Variants in SORBS2 observed in about 807,000 individuals in gnomAD.
The protein encoded by SORBS2 is sorbin and SH3 domain-containing protein 2.
In SORBS2, 46 loss-of-function variants were observed where a neutral mutation model predicts 97.7. That is an observed-to-expected ratio of 0.47 (90% confidence interval 0.37 to 0.60). The LOEUF is 0.60. Among genes scored for constraint, SORBS2 ranks in the 20% least tolerant of loss-of-function variants. SORBS2 has a pLI of 0.00. For missense variants in SORBS2, 1,316 were observed against 1,282.3 expected, an observed-to-expected ratio of 1.03 and a Z score of -0.40; for synonymous variants, 476 against 473.4, an observed-to-expected ratio of 1.01 and a Z score of -0.07.
At chr4:185,662,695 T>G (rs1353371105) in intron 4 of SORBS2, among the ~76,000 whole-genome samples, 1 of 152,222 alleles carries the variant, frequency 6.6e-6, no homozygotes, top group Non-Finnish European at 1.5e-5. Context: ...CAGGGATATC[T>G]TCTAGTGAAT....
chr4:185,688,598 T>C (rs2098026432), intron 2 of SORBS2, among the ~76,000 whole-genome samples: 1 of 152,158 alleles, frequency 6.6e-6, no homozygotes, highest in Non-Finnish European at 1.5e-5. Context: ...GGGGCCACTT[T>C]ATTCATCTAT....
At chr4:185,617,380 G>A (rs1005487775) in intron 9 of SORBS2, among the ~76,000 whole-genome samples, 2 of 151,972 alleles carry the variant, frequency 1.3e-5, no homozygotes, top group African/African-American at 4.8e-5. Flanking sequence ...TTTCTAAACA[G>A]GATTTTTCTT....
At chr4:185,673,318 T>C (rs1047706688) in intron 4 of SORBS2, among the ~76,000 whole-genome samples, 1 of 152,230 alleles carries the variant, frequency 6.6e-6, no homozygotes, top group Non-Finnish European at 1.5e-5. Context: ...GATCTCATGT[T>C]AAATGTTCTT....
At chr4:185,730,808 A>C (rs915281877) in intron 2 of SORBS2, among the ~76,000 whole-genome samples, 1 of 152,236 alleles carries the variant, frequency 6.6e-6, no homozygotes, top group Non-Finnish European at 1.5e-5. Context: ...CTGGACATCC[A>C]GGTACCTGGC....
intron 14 of SORBS2, 36 bp downstream of exon 26, chr4:185,589,643 A>G (rs760827956): frequency 3.1e-6 from 4 of 1,294,982 alleles, no homozygotes; most frequent in Non-Finnish European, 4.5e-6. Flanking sequence ...CAAATTACAA[A>G]ATAGCCGAAG....
chr4:185,680,097 A>G (rs1304770350), intron 2 of SORBS2, among the ~76,000 whole-genome samples: 1 of 152,260 alleles, frequency 6.6e-6, no homozygotes, highest in Non-Finnish European at 1.5e-5. Flanking sequence ...AATGGGTACC[A>G]TAGAGAAAAA....
Position 185,632,323 on chromosome 4 carries a change from G to C in SORBS2, c.397-1725C>G, listed in dbSNP as rs112311112. The stretch of plus-strand genomic sequence containing the variant: ...CCCATCCTCCTTTTAGACAGAAAAA[G>C]TGGATTGTAATATTTTTAGTTCCTA... On this transcript the variant is annotated intron_variant, in intron 4 of 14. Transcript: ENST00000418609. Among the ~76,000 whole-genome samples the C allele has an allele frequency of 9.2e-5, 14 of 152,244 alleles. 2 individuals carry two copies. The highest frequency in any genetic ancestry group is 3.4e-4 in the African/African-American group (14 of 41,538).
rs145481031 is a variant in SORBS2, at chr4:185,723,887, C to T, written c.-197-45065G>A. Among the ~76,000 whole-genome samples, 534 of 152,222 alleles carry T rather than the reference C, an allele frequency of 3.5e-3. 4 individuals carry two copies. Among genetic ancestry groups the T allele is most frequent in the Non-Finnish European group, 3.3e-3 (226 of 67,996 alleles). ...TCCATGGGCTCCAGCCACGTGGCAGCTACATATTTTCAATCACTTTGCTTA... is the reference window on the plus strand; with the variant it reads ...TCCATGGGCTCCAGCCACGTGGCAGTTACATATTTTCAATCACTTTGCTTA... On this transcript the variant is annotated intron_variant, in intron 2 of 20. Coordinates refer to the SORBS2 transcript ENST00000284776.
chr4:185,687,673 C>T (rs1482122026), intron 2 of SORBS2, among the ~76,000 whole-genome samples: 1 of 152,056 alleles, frequency 6.6e-6, no homozygotes, highest in Admixed American at 6.6e-5. Flanking sequence ...GTTTGGGAAT[C>T]CTTGGGTTAG....
At chr4:185,630,572 G>A in exon 5 of SORBS2, 2 of 1,599,032 alleles carry the variant, frequency 1.3e-6, no homozygotes, top group Non-Finnish European at 1.7e-6. Context: ...CCAGGCTTCT[G>A]TCTATAGAGG....
intron 1 of SORBS2, among the ~76,000 whole-genome samples, chr4:185,844,457 A>G (rs1443081172): frequency 6.6e-6 from 1 of 152,220 alleles, no homozygotes; most frequent in African/African-American, 2.4e-5. Context: ...CAGCAAAACC[A>G]GAAAATAACA....
intron 2 of SORBS2, among the ~76,000 whole-genome samples, chr4:185,743,809 CCTT>C (rs1290287499): frequency 6.6e-6 from 1 of 151,324 alleles, no homozygotes; most frequent in Non-Finnish European, 1.5e-5. Context: ...TCTTCCTCCT[CCTT>C]CTTCCTCTTC....
At chr4:185,863,546 G>A (rs897512016) in intron 1 of SORBS2, among the ~76,000 whole-genome samples, 1 of 152,298 alleles carries the variant, frequency 6.6e-6, no homozygotes, top group Admixed American at 6.5e-5. Flanking sequence ...AAATACCAGT[G>A]CTATTGCATA....
chr4:185,829,851 A>G (rs1488170198), intron 1 of SORBS2, among the ~76,000 whole-genome samples: 1 of 152,176 alleles, frequency 6.6e-6, no homozygotes, highest in Admixed American at 6.5e-5. Flanking sequence ...TCTCTACCCA[A>G]CTTCTTTAGT....
intron 1 of SORBS2, among the ~76,000 whole-genome samples, chr4:185,943,056 T>A (rs1211846511): frequency 6.6e-6 from 1 of 152,238 alleles, no homozygotes; most frequent in Non-Finnish European, 1.5e-5. Context: ...GGTGGTTTAA[T>A]GCAACAATAA....
chr4:185,938,389 T>TACACACATACACACAC (rs35369073), intron 1 of SORBS2, among the ~76,000 whole-genome samples: 9 of 136,436 alleles, frequency 6.6e-5, no homozygotes, highest in African/African-American at 2.5e-4. Context: ...TGTAGACACA[T>TACACACATACACACAC]ACACACACAC....
intron 11 of SORBS2, 152 bp from the exon 24 acceptor site, chr4:185,612,132 T>A: frequency 1.7e-6 from 1 of 604,254 alleles, no homozygotes; most frequent in Non-Finnish European, 2.9e-6. Flanking sequence ...AGTAAGGTAC[T>A]AGTGCTTACT....
intron 1 of SORBS2, among the ~76,000 whole-genome samples, chr4:185,908,310 T>C (rs1471608653): frequency 1.6e-5 from 2 of 122,488 alleles, no homozygotes; most frequent in Non-Finnish European, 3.6e-5. Flanking sequence ...TATATATATA[T>C]ATATATATAT....
chr4:185,914,785 C>G (rs200346874), intron 1 of SORBS2, among the ~76,000 whole-genome samples: 2 of 152,254 alleles, frequency 1.3e-5, no homozygotes, highest in Non-Finnish European at 2.9e-5. Context: ...TGCCCTCTTC[C>G]TGTCTCGGCA....
Sources: gnomAD v4.1 joint callset for allele counts (sites outside exome capture counted in the v4.1 genomes callset) on GRCh38, gnomAD v4.1.1 for gene constraint, MANE v1.5 for transcripts, NCBI Gene and HGNC (gene_info 2026-07-23, HGNC 2026-07-21) for gene names.